The following PTBP3 variants were observed in gnomAD, a reference collection of about 807,000 sequenced individuals.
The protein encoded by PTBP3 is polypyrimidine tract binding protein 3.
A neutral mutation model predicts 58.7 loss-of-function variants in PTBP3; 20 were observed. That is an observed-to-expected ratio of 0.34 (90% CI 0.24 to 0.50). PTBP3 has a LOEUF of 0.50. Among genes scored for constraint, PTBP3 ranks in the 20% least tolerant of loss-of-function variants. The probability of loss-of-function intolerance (pLI) is 0.98; values close to 1 mark genes in which losing one functional copy is unlikely to be tolerated. For missense variants in PTBP3, 509 were observed against 637.2 expected (o/e 0.80, Z 2.17); for synonymous variants, 185 against 219.8 (o/e 0.84, Z 1.40).
chr9:112,364,452 G>T, the PTBP3 span, among the ~76,000 whole-genome samples: 7 of 151,966 alleles, frequency 4.6e-5, no homozygotes, highest in African/African-American at 1.5e-4. Context: ...TGAGCCAGGA[G>T]TTCAAGACCA....
the PTBP3 span, among the ~76,000 whole-genome samples, chr9:112,379,730 T>C: frequency 2.0e-4 from 31 of 152,236 alleles, 1 homozygote; most frequent in South Asian, 6.2e-3. Flanking sequence ...GGGCCCAAGC[T>C]CAGGGCTCAG....
chr9:112,277,832 C>T (rs144976125), intron 2 of PTBP3, among the ~76,000 whole-genome samples: 3 of 151,952 alleles, frequency 2.0e-5, no homozygotes, highest in African/African-American at 7.2e-5. Context: ...GCCGAGATTG[C>T]ACCACTTGCA....
At chr9:112,264,040 G>T (rs10122852) in intron 4 of PTBP3, among the ~76,000 whole-genome samples, 2 of 151,802 alleles carry the variant, frequency 1.3e-5, no homozygotes, top group Non-Finnish European at 2.9e-5. Context: ...TCCTATTATG[G>T]GAAATAATTT....
chr9:112,289,076 A>G (rs192651293), intron 2 of PTBP3, among the ~76,000 whole-genome samples: 5 of 152,240 alleles, frequency 3.3e-5, no homozygotes, highest in Non-Finnish European at 7.3e-5. Flanking sequence ...TAGCTTCCTA[A>G]GTAGCTAGGT....
chr9:112,235,943 C>T (rs1835422644), intron 7 of PTBP3, among the ~76,000 whole-genome samples: 4 of 151,924 alleles, frequency 2.6e-5, no homozygotes, highest in Admixed American at 2.6e-4. Flanking sequence ...TAGGGAGGAC[C>T]TTCAATATAG....
intron 8 of PTBP3, among the ~76,000 whole-genome samples, chr9:112,232,467 T>C (rs1835283899): frequency 6.6e-6 from 1 of 152,188 alleles, no homozygotes; most frequent in Non-Finnish European, 1.5e-5. Flanking sequence ...CACAGTACTC[T>C]GCAGAGTAAC....
At chr9:112,354,899 T>C in the PTBP3 span, among the ~76,000 whole-genome samples, 1 of 152,306 alleles carries the variant, frequency 6.6e-6, no homozygotes, top group South Asian at 2.1e-4. Flanking sequence ...TTACATTGAT[T>C]ATAGGAGTCA....
intron 4 of PTBP3, among the ~76,000 whole-genome samples, chr9:112,264,284 G>A (rs973689044): frequency 6.6e-6 from 1 of 152,140 alleles, no homozygotes; most frequent in African/African-American, 2.4e-5. Flanking sequence ...GTTTTTTAGA[G>A]AAAATCCTTC....
chr9:112,245,013 T>A (rs1434974692), intron 7 of PTBP3, among the ~76,000 whole-genome samples: 1 of 152,084 alleles, frequency 6.6e-6, no homozygotes, highest in Non-Finnish European at 1.5e-5. Flanking sequence ...ACAAGTCTTG[T>A]AAGTACTAAG....
At chr9:112,350,527 G>A in the PTBP3 span, among the ~76,000 whole-genome samples, 4 of 152,054 alleles carry the variant, frequency 2.6e-5, no homozygotes, top group Admixed American at 6.6e-5. Context: ...CTGATATGTC[G>A]TTGAGAAGAG....
chr9:112,342,729 AAAGAAG>A, the PTBP3 span, among the ~76,000 whole-genome samples: 3 of 150,850 alleles, frequency 2.0e-5, no homozygotes, highest in South Asian at 2.1e-4. Context: ...AAAGAAAAAC[AAAGAAG>A]AAGAAGAAGA....
intron 4 of PTBP3, among the ~76,000 whole-genome samples, chr9:112,263,541 T>C (rs1345523746): frequency 2.0e-5 from 3 of 152,182 alleles, no homozygotes. Flanking sequence ...AAACTCAAAC[T>C]GAGGGACATT....
intron 7 of PTBP3, among the ~76,000 whole-genome samples, chr9:112,236,948 CATT>C (rs1431019353): frequency 6.6e-6 from 1 of 151,992 alleles, no homozygotes; most frequent in Non-Finnish European, 1.5e-5. Context: ...GAGAAATAAA[CATT>C]AATTTCTATC....
At chr9:112,303,018 T>C (rs547526337) in intron 1 of PTBP3, among the ~76,000 whole-genome samples, 1 of 152,344 alleles carries the variant, frequency 6.6e-6, no homozygotes, top group Admixed American at 6.5e-5. Flanking sequence ...ACCAAATAAA[T>C]TTCCAATCAA....
At chr9:112,224,475 A>G (rs1332125515) in intron 12 of PTBP3, among the ~76,000 whole-genome samples, 1 of 152,216 alleles carries the variant, frequency 6.6e-6, no homozygotes, top group Non-Finnish European at 1.5e-5. Flanking sequence ...TTTTCTTTTA[A>G]TGCAGCTGTG....
intron 1 of PTBP3, among the ~76,000 whole-genome samples, chr9:112,320,814 T>C (rs1829918013): frequency 1.3e-5 from 2 of 152,114 alleles, no homozygotes; most frequent in South Asian, 2.1e-4. Flanking sequence ...TTTCAACAAA[T>C]GGTGCCGAAC....
At chr9:112,376,969 A>C in the PTBP3 span, among the ~76,000 whole-genome samples, 1 of 152,250 alleles carries the variant, frequency 6.6e-6, no homozygotes, top group Admixed American at 6.5e-5. Context: ...TCTTCCCAGA[A>C]TTATGAATGC....
intron 2 of PTBP3, among the ~76,000 whole-genome samples, chr9:112,292,804 T>C (rs1828498194): frequency 6.6e-6 from 1 of 152,198 alleles, no homozygotes; most frequent in Non-Finnish European, 1.5e-5. Flanking sequence ...GTTTCAGTTT[T>C]GTTAAGATGA....
At chr9:112,319,277 C>A (rs576780804) in intron 1 of PTBP3, among the ~76,000 whole-genome samples, 1 of 152,038 alleles carries the variant, frequency 6.6e-6, no homozygotes, top group Non-Finnish European at 1.5e-5. Flanking sequence ...GTAGCCCACA[C>A]CTGTAATCCC....
Sources: allele counts gnomAD v4.1 joint callset (sites outside exome capture counted in the v4.1 genomes callset), GRCh38; gene constraint gnomAD v4.1.1; transcripts MANE v1.5; gene names NCBI Gene and HGNC (gene_info 2026-07-23, HGNC 2026-07-21).